YPEL2: variants seen among roughly 807,000 people sequenced by gnomAD.
YPEL2 encodes yippee like 2, also known as protein yippee-like 2.
YPEL2 carries 2 observed loss-of-function variants against 19.1 expected under a neutral mutation model. The ratio of observed to expected loss-of-function variants is 0.10; its 90% CI spans 0.04 to 0.33. YPEL2 has a LOEUF of 0.33. Among genes scored for constraint, YPEL2 ranks in the 10% least tolerant of loss-of-function variants. The pLI is 1.00. For missense variants in YPEL2, 66 were observed against 140.7 expected, an observed-to-expected ratio of 0.47 and a Z score of 2.68; for synonymous variants, 52 against 50.0, an observed-to-expected ratio of 1.04 and a Z score of -0.17.
chr17:59,392,080 A>G (rs547747828), intron 4 of YPEL2, among the ~76,000 whole-genome samples: 38 of 152,132 alleles, frequency 2.5e-4, no homozygotes, highest in African/African-American at 9.2e-4. Flanking sequence ...CACAGTTCTA[A>G]TTGTGGTTAT....
chr17:59,385,267 T>G (rs2047974224), intron 2 of YPEL2, among the ~76,000 whole-genome samples: 1 of 152,184 alleles, frequency 6.6e-6, no homozygotes, highest in South Asian at 2.1e-4. Context: ...AAAATACATT[T>G]CATTTATTTA....
chr17:59,348,498 TG>T, intron 1 of YPEL2, among the ~76,000 whole-genome samples: 1 of 152,234 alleles, frequency 6.6e-6, no homozygotes, highest in Middle Eastern at 3.4e-3. Context: ...CGGCATGGGG[TG>T]GGGGCTGGCC....
At chr17:59,369,309 G>A (rs1452727501) in intron 2 of YPEL2, among the ~76,000 whole-genome samples, 1 of 152,220 alleles carries the variant, frequency 6.6e-6, no homozygotes, top group Non-Finnish European at 1.5e-5. Context: ...ATTGAAACAG[G>A]CATTGGAAAA....
chr17:59,391,223 G>T (rs968643812), intron 4 of YPEL2, among the ~76,000 whole-genome samples: 3 of 152,152 alleles, frequency 2.0e-5, no homozygotes, highest in Non-Finnish European at 2.9e-5. Context: ...GAGCCTGAAG[G>T]AGTTGTCAAA....
chr17:59,393,426 C>T (rs1436550193), intron 4 of YPEL2, among the ~76,000 whole-genome samples: 2 of 150,998 alleles, frequency 1.3e-5, no homozygotes, highest in African/African-American at 2.4e-5. Context: ...TGAGCCACCA[C>T]GCCTGGCCGA....
At chr17:59,336,863 G>A (rs978719834) in intron 1 of YPEL2, among the ~76,000 whole-genome samples, 1 of 152,168 alleles carries the variant, frequency 6.6e-6, no homozygotes, top group South Asian at 2.1e-4. Context: ...CCATGTATTC[G>A]CAAGCTGACT....
rs1445472146 is a variant in YPEL2 at position 59,341,267 on chromosome 17, CT to C, written c.-196+9444del. 2.0e-5 allele frequency among the ~76,000 whole-genome samples: 3 copies of C among 152,126 alleles called. No homozygotes were observed. In the East Asian group the frequency reaches 5.8e-4, roughly 30 times the overall value. On this transcript the variant is annotated intron_variant, in intron 1 of 4. Transcript: ENST00000312655. ...ATTAGCCAGGCGTGGTGGCTGGTGC[CT>C]GTAGTCCCAGCTACTCGGGAGGCTG...
rs978763619 is a variant in YPEL2 at position 59,400,419 on chromosome 17, T to C, written c.*3229T>C. ...CACTTTTTATTTTCCTTTTAAATTCTATGGTTTCCTTTGCATTTCTTGAAG... is the reference window on the plus strand; with the variant it reads ...CACTTTTTATTTTCCTTTTAAATTCCATGGTTTCCTTTGCATTTCTTGAAG... On this transcript the variant is annotated 3_prime_UTR_variant, in exon 5 of 5. Coordinates refer to ENST00000312655, the MANE Select transcript of YPEL2 (RefSeq NM_001005404.4). The C allele has an allele frequency of 6.6e-6, 1 of 152,526 alleles. No individual in the cohort carries two copies. The highest frequency in any genetic ancestry group is 1.5e-5 in the Non-Finnish European group (1 of 68,024). The allele number at this position is 152,526 out of a possible 1,614,324, so 9.4% of individuals were successfully genotyped here.
chr17:59,374,314 T>C (rs1453547533), intron 2 of YPEL2, among the ~76,000 whole-genome samples: 1 of 152,228 alleles, frequency 6.6e-6, no homozygotes, highest in African/African-American at 2.4e-5. Flanking sequence ...TATATGCCCA[T>C]GTCTCTTTCA....
At chr17:59,347,907 G>A (rs969456339) in intron 1 of YPEL2, among the ~76,000 whole-genome samples, 1 of 152,246 alleles carries the variant, frequency 6.6e-6, no homozygotes, top group East Asian at 1.9e-4. Flanking sequence ...GAACTCTCAG[G>A]CCTTCTCCTT....
intron 1 of YPEL2, among the ~76,000 whole-genome samples, chr17:59,343,764 A>G (rs1448117479): frequency 1.6e-4 from 25 of 152,168 alleles, no homozygotes; most frequent in Admixed American, 1.6e-3. Flanking sequence ...CTTGTAAGCT[A>G]CTAGGAAACC....
chr17:59,362,101 G>T (rs947480097), intron 2 of YPEL2, among the ~76,000 whole-genome samples: 5 of 152,170 alleles, frequency 3.3e-5, no homozygotes, highest in African/African-American at 1.2e-4. Flanking sequence ...CCAGCAAATG[G>T]TTAGTGCTGC....
chr17:59,332,740 C>T (rs1281747501), intron 1 of YPEL2, among the ~76,000 whole-genome samples: 2 of 152,180 alleles, frequency 1.3e-5, no homozygotes, highest in Admixed American at 1.3e-4. Flanking sequence ...TGTTTTCCTC[C>T]GCTTGGAGCG....
At chr17:59,389,297 A>T in intron 3 of YPEL2, 63 bp from the exon 4 acceptor site, 1 of 1,454,834 alleles carries the variant, frequency 6.9e-7, no homozygotes, top group Admixed American at 1.9e-5. Flanking sequence ...CTGGAAGCTC[A>T]GCTTGAATGC....
chr17:59,380,557 A>G (rs1294016218), intron 2 of YPEL2, among the ~76,000 whole-genome samples: 3 of 152,232 alleles, frequency 2.0e-5, no homozygotes, highest in African/African-American at 7.2e-5. Context: ...AGCATGAGCC[A>G]CCACGGCCAG....
intron 3 of YPEL2, 172 bp from the exon 4 acceptor site, chr17:59,389,188 G>A: frequency 1.8e-6 from 1 of 560,388 alleles, no homozygotes; most frequent in East Asian, 2.8e-5. Flanking sequence ...TTTCCTTCCA[G>A]CTGAGATATT....
chr17:59,371,426 A>G (rs532963619), intron 2 of YPEL2, among the ~76,000 whole-genome samples: 252 of 152,320 alleles, frequency 1.7e-3, no homozygotes, highest in African/African-American at 5.8e-3. Flanking sequence ...GCTGGGGCAC[A>G]ATCGTACATA....
intron 2 of YPEL2, among the ~76,000 whole-genome samples, chr17:59,361,509 T>C (rs2047840705): frequency 6.6e-6 from 1 of 152,208 alleles, no homozygotes. Context: ...CTTGAGGAGA[T>C]GATTGTGACA....
chr17:59,387,407 G>A lies in YPEL2; in HGVS notation c.118-920G>A, dbSNP rs150078833. Among the ~76,000 whole-genome samples the A allele has an allele frequency of 2.6e-4, 40 of 152,032 alleles. No individual in the cohort carries two copies. The East Asian group carries it at 6.4e-3, about 24-fold the overall frequency. On this transcript the variant is annotated intron_variant, in intron 2 of 4. Coordinates refer to ENST00000312655, the MANE Select transcript of YPEL2 (RefSeq NM_001005404.4). ...TCACCTACCCTCTGGTCATCTGTTA[G>A]CCACTCATCTCCTTGTTTGTTGGTT...
Sources: gnomAD v4.1 joint callset for allele counts (sites outside exome capture counted in the v4.1 genomes callset) on GRCh38, gnomAD v4.1.1 for gene constraint, MANE v1.5 for transcripts, NCBI Gene and HGNC (gene_info 2026-07-23, HGNC 2026-07-21) for gene names.